Variants in BTBD9 observed in about 807,000 individuals in gnomAD.
The protein encoded by BTBD9 is BTB domain containing 9.
Under a neutral mutation model 64.3 loss-of-function variants are expected in BTBD9, and 49 were observed. The ratio of observed to expected loss-of-function variants is 0.76; its 90% CI spans 0.61 to 0.97. The LOEUF (loss-of-function observed/expected upper bound fraction) is 0.97, where lower values mean the gene tolerates loss of function less well. Ranked by LOEUF, BTBD9 falls within the 50% of genes least tolerant of loss-of-function variation. The pLI, the probability that BTBD9 is intolerant of heterozygous loss-of-function variation, is 0.00. For missense variants in BTBD9, 598 were observed against 762.1 expected (o/e 0.78, Z 2.53); for synonymous variants, 260 against 274.7 (o/e 0.95, Z 0.53).
At chr6:38,237,448 G>A (rs1763815298) in intron 9 of BTBD9, among the ~76,000 whole-genome samples, 1 of 152,224 alleles carries the variant, frequency 6.6e-6, no homozygotes, top group Non-Finnish European at 1.5e-5. Context: ...CAAGTCAGAT[G>A]CACCAAAGTA....
intron 6 of BTBD9, among the ~76,000 whole-genome samples, chr6:38,478,947 C>T (rs1771010925): frequency 6.6e-6 from 1 of 152,072 alleles, no homozygotes; most frequent in African/African-American, 2.4e-5. Context: ...TCTGAACATC[C>T]CAAATAGTAT....
intron 7 of BTBD9, among the ~76,000 whole-genome samples, chr6:38,306,145 T>C (rs975841665): frequency 1.3e-5 from 2 of 152,242 alleles, no homozygotes; most frequent in Non-Finnish European, 2.9e-5. Flanking sequence ...TTTTGAATGT[T>C]CATTATCGTC....
intron 6 of BTBD9, among the ~76,000 whole-genome samples, chr6:38,356,866 C>T (rs1475594921): frequency 6.6e-6 from 1 of 152,126 alleles, no homozygotes; most frequent in Non-Finnish European, 1.5e-5. Flanking sequence ...AGACATGGGC[C>T]TGACTACCAG....
At chr6:38,179,790 G>A in intron 10 of BTBD9, 1 of 456,788 alleles carries the variant, frequency 2.2e-6, no homozygotes, top group Non-Finnish European at 4.4e-6. Context: ...TCATACATCA[G>A]AGGTGTGTGA....
intron 6 of BTBD9, among the ~76,000 whole-genome samples, chr6:38,514,217 T>C (rs772615071): frequency 6.6e-6 from 1 of 152,246 alleles, no homozygotes; most frequent in African/African-American, 2.4e-5. Flanking sequence ...ACTCCTGTTA[T>C]TGTATAACTA....
chr6:38,206,874 A>G (rs1331661886), intron 9 of BTBD9, among the ~76,000 whole-genome samples: 5 of 152,224 alleles, frequency 3.3e-5, no homozygotes, highest in African/African-American at 1.2e-4. Context: ...AAAGAGATGA[A>G]TATGTTTGCC....
In BTBD9 at chr6:38,361,136, C is replaced by T. The variant is rs373267600; in HGVS notation, c.1155-16043G>A. 3.9e-5 allele frequency among the ~76,000 whole-genome samples: 6 copies of T among 152,114 alleles called. No individual in the cohort carries two copies. The South Asian group carries it at 6.2e-4, about 16-fold the overall frequency. ...GGACTTCGGAAATATATGGATGCTA[C>T]CCTTAGAGACTGTCATTTAACTGAA... On this transcript the variant is annotated intron_variant, in intron 6 of 10. Transcript: ENST00000481247.
chr6:38,579,366 G>A (rs1489008865), intron 5 of BTBD9, among the ~76,000 whole-genome samples: 2 of 152,136 alleles, frequency 1.3e-5, no homozygotes, highest in Non-Finnish European at 2.9e-5. Context: ...GGCATAAGTG[G>A]GGCACAGTTT....
intron 10 of BTBD9, 104 bp from the exon 11 acceptor site, chr6:38,175,286 G>T: frequency 8.6e-7 from 1 of 1,166,810 alleles, no homozygotes; most frequent in Non-Finnish European, 1.2e-6. Context: ...GGGCCACCAC[G>T]AGGGAGTTAG....
At chr6:38,207,277 C>CATTA (rs1762689447) in intron 9 of BTBD9, 1 of 239,220 alleles carries the variant, frequency 4.2e-6, no homozygotes, top group Non-Finnish European at 8.9e-6. Context: ...AAAATGGGGT[C>CATTA]AATGATGTAA....
At chr6:38,462,324 TG>T (rs1770132874) in intron 6 of BTBD9, among the ~76,000 whole-genome samples, 2 of 152,336 alleles carry the variant, frequency 1.3e-5, no homozygotes, top group South Asian at 4.1e-4. Context: ...ATAATCCAGT[TG>T]GGGTCAATTT....
intron 10 of BTBD9, among the ~76,000 whole-genome samples, chr6:38,181,881 G>A (rs1171626570): frequency 6.6e-6 from 1 of 152,092 alleles, no homozygotes; most frequent in South Asian, 2.1e-4. Context: ...CCAGCTGCTC[G>A]GGAGGCTAAG....
chr6:38,348,828 A>T (rs1170647260), intron 6 of BTBD9, among the ~76,000 whole-genome samples: 2 of 152,184 alleles, frequency 1.3e-5, no homozygotes, highest in Non-Finnish European at 2.9e-5. Context: ...TTTTGACACA[A>T]TGTGGCTTTT....
intron 6 of BTBD9, among the ~76,000 whole-genome samples, chr6:38,469,753 A>G (rs1770558572): frequency 6.6e-6 from 1 of 152,186 alleles, no homozygotes; most frequent in South Asian, 2.1e-4. Context: ...AATTGCACAA[A>G]TATCACTTAA....
intron 6 of BTBD9, among the ~76,000 whole-genome samples, chr6:38,467,572 T>C (rs965221423): frequency 1.3e-5 from 2 of 152,332 alleles, no homozygotes; most frequent in Non-Finnish European, 2.9e-5. Flanking sequence ...CTTCAGCTTG[T>C]ACAGCATCAA....
chr6:38,588,505 C>A, intron 4 of BTBD9: 1 of 824,356 alleles, frequency 1.2e-6, no homozygotes, highest in Non-Finnish European at 1.9e-6. Flanking sequence ...AGGGCTATAC[C>A]AAACCTGGAC....
At chr6:38,246,941 G>A (rs1278030271) in intron 9 of BTBD9, among the ~76,000 whole-genome samples, 1 of 152,096 alleles carries the variant, frequency 6.6e-6, no homozygotes, top group Admixed American at 6.5e-5. Context: ...GTATCAATGA[G>A]GAAGACATTT....
intron 6 of BTBD9, among the ~76,000 whole-genome samples, chr6:38,464,097 A>T (rs1384405568): frequency 6.6e-6 from 1 of 152,162 alleles, no homozygotes; most frequent in Non-Finnish European, 1.5e-5. Flanking sequence ...GTGTCCTTAT[A>T]AGAAGTGATT....
chr6:38,274,102 G>A (rs926926554), intron 8 of BTBD9, among the ~76,000 whole-genome samples: 5 of 152,240 alleles, frequency 3.3e-5, no homozygotes, highest in Non-Finnish European at 7.3e-5. Flanking sequence ...CACGTCCCTT[G>A]TACGTTGGAT....
Sources: gnomAD v4.1 joint callset for allele counts (sites outside exome capture counted in the v4.1 genomes callset) on GRCh38, gnomAD v4.1.1 for gene constraint, MANE v1.5 for transcripts, NCBI Gene and HGNC (gene_info 2026-07-23, HGNC 2026-07-21) for gene names.